Variants in DAGLB observed in about 807,000 individuals in gnomAD.
DAGLB encodes diacylglycerol lipase-beta.
In DAGLB, 66 loss-of-function variants were observed where a neutral mutation model predicts 72.1. That is an observed-to-expected ratio of 0.92 (90% confidence interval 0.75 to 1.12). The LOEUF (loss-of-function observed/expected upper bound fraction) is 1.12, where lower values mean the gene tolerates loss of function less well. DAGLB is among the 50% of genes most tolerant of loss of function. The pLI, the probability that DAGLB is intolerant of heterozygous loss-of-function variation, is 0.00. For missense variants in DAGLB, 1,065 were observed against 884.9 expected (o/e 1.20, Z -2.58); for synonymous variants, 414 against 359.5 (o/e 1.15, Z -1.71).
chr7:6,426,257 T>C (rs1394358471), intron 6 of DAGLB, 143 bp from the exon 7 acceptor site: 5 of 1,205,650 alleles, frequency 4.1e-6, no homozygotes, highest in Non-Finnish European at 4.6e-6. Flanking sequence ...GGAATGGCTT[T>C]TTAAAACTTA....
rs145491977 is a variant in DAGLB at position 6,436,530 on chromosome 7, G to A, written c.251C>T (p.Thr84Met). Residue 84 changes from threonine to methionine, a missense_variant, in exon 3 of 15, where the codon ACG becomes ATG. By Grantham distance (81) the Thr-to-Met change is moderately conservative. Transcript: ENST00000297056. ...CTTCCGCGGTCCAGGGTTACAAATC[G>A]TTCCTGAAATACAAAAAACGTTCCG... ...SAIMCVSMRGTICNPGPRKSM... is the reference protein window; with the variant it reads ...SAIMCVSMRGMICNPGPRKSM... 21 of 1,613,592 alleles carry A rather than the reference G, an allele frequency of 1.3e-5. No individual in the cohort carries two copies. The highest frequency in any genetic ancestry group is 5.0e-5 in the Admixed American group (3 of 59,756).
intron 2 of DAGLB, among the ~76,000 whole-genome samples, chr7:6,441,706 C>A (rs1293112644): frequency 2.0e-5 from 3 of 152,116 alleles, no homozygotes; most frequent in Non-Finnish European, 4.4e-5. Flanking sequence ...TGTAAGCCAC[C>A]GCGCCTGGCC....
chr7:6,439,734 T>C lies in DAGLB; in HGVS notation c.248-3201A>G, dbSNP rs546301880. On this transcript the variant is annotated intron_variant, in intron 2 of 14. Coordinates refer to ENST00000297056, the MANE Select transcript of DAGLB (RefSeq NM_139179.4). The stretch of plus-strand genomic sequence containing the variant: ...TCCCACAAGGTGCAACAGTGGGATT[T>C]CATTTGGGAGGTTTTCAAATTAAAA... 2.6e-5 allele frequency among the ~76,000 whole-genome samples: 4 copies of C among 152,204 alleles called. No individual in the cohort carries two copies. The East Asian group carries it at 7.7e-4, about 29-fold the overall frequency.
chr7:6,434,936 G>A lies in DAGLB; in HGVS notation c.504C>T (p.Ala168=), dbSNP rs199803971. The A allele has an allele frequency of 3.6e-5, 58 of 1,614,152 alleles. No individual in the cohort carries two copies. The highest frequency in any genetic ancestry group is 5.3e-5 in the African/African-American group (4 of 75,014). ...LGGKMAPYSS[A]GPSHLDSHDS... ...CATGACTATCCAGGTGGCTGGGGCC[G>A]GCAGAGGAATATGGAGCCATTTTCC... Residue 168 remains alanine, a synonymous_variant, in exon 4 of 15, where the codon GCC becomes GCT. Transcript: ENST00000297056.
intron 6 of DAGLB, among the ~76,000 whole-genome samples, chr7:6,429,200 T>C (rs568944635): frequency 7.2e-5 from 11 of 152,122 alleles, no homozygotes; most frequent in African/African-American, 2.7e-4. Context: ...ACTGGCATCA[T>C]GTATCCCCTG....
chr7:6,426,200 C>A, intron 6 of DAGLB, 86 bp from the exon 7 acceptor site: 2 of 1,580,748 alleles, frequency 1.3e-6, no homozygotes, highest in Non-Finnish European at 1.7e-6. Context: ...TTCCCAGAGA[C>A]GCGAGGACCA....
At chr7:6,416,989 A>G (rs1425477282) in intron 9 of DAGLB, 68 bp from the exon 10 acceptor site, 17 of 1,546,244 alleles carry the variant, frequency 1.1e-5, no homozygotes, top group Non-Finnish European at 1.5e-5. Flanking sequence ...AGACTCAAAG[A>G]TGGGATGACG....
chr7:6,429,982 T>G (rs1008018629), intron 6 of DAGLB, among the ~76,000 whole-genome samples: 1 of 151,720 alleles, frequency 6.6e-6, no homozygotes. Flanking sequence ...AGGCGGAGCT[T>G]GCAGTGAGCC....
rs1377745630 is a variant in DAGLB at position 6,416,431 on chromosome 7, A to G, written c.1427+196T>C. On this transcript the variant is annotated intron_variant, in intron 11 of 14. Transcript: ENST00000297056. ...GCTGGCGGGTGTCTGTAGTCCCAGCAACTCGGGAGGCTGAGGCAGAAGAAC... is the reference window on the plus strand; with the variant it reads ...GCTGGCGGGTGTCTGTAGTCCCAGCGACTCGGGAGGCTGAGGCAGAAGAAC... 7.6e-6 allele frequency: 5 copies of G among 657,384 alleles called. No homozygotes were observed. In the Admixed American group the frequency reaches 1.1e-4, roughly 15 times the overall value. The allele number at this position is 657,384 out of a possible 1,614,324, so 40.7% of individuals were successfully genotyped here.
At chr7:6,437,253 A>G (rs1243628555) in intron 2 of DAGLB, among the ~76,000 whole-genome samples, 2 of 151,924 alleles carry the variant, frequency 1.3e-5, no homozygotes, top group South Asian at 2.1e-4. Context: ...ACAGGGATAT[A>G]TGGTCACCCA....
rs1562486027 is a variant in DAGLB at position 6,432,723 on chromosome 7, G to GGGA, written c.801+113_801+114insTCC. On this transcript the variant is annotated intron_variant, in intron 5 of 14. Coordinates refer to ENST00000297056, the MANE Select transcript of DAGLB (RefSeq NM_139179.4). ...GGGAGGAGGGGGAGGGGAGGGAGGG[G>GGGA]AAAGGGGAATGAAGGAAGGGAGGAA... is the stretch of plus-strand genomic sequence containing the variant. 6 of 1,279,590 alleles carry GGGA rather than the reference G, an allele frequency of 4.7e-6. No homozygotes were observed. The African/African-American group carries it at 8.7e-5, about 18-fold the overall frequency. 79.3% of individuals were successfully genotyped at this position (1,279,590 alleles called of 1,614,324 possible). A position where few individuals can be genotyped will look rare whatever the true frequency, so the allele number is the denominator to read the frequency against.
Position 6,410,317 on chromosome 7 carries a change from T to A in DAGLB, c.1633A>T (p.Thr545Ser). ...LFGGNPNNLP[T>S]ELDGGDQEVL... is the part of the protein sequence containing the mutation. The stretch of plus-strand genomic sequence containing the variant: ...TCCTGGTCGCCCCCGTCCAGCTCCG[T>A]GGGCAAGTTGTTGGGGTTTCCTCCA... Residue 545 changes from threonine to serine, a missense_variant, in exon 14 of 15, where the codon ACG becomes TCG. Physicochemically the swap from Thr to Ser is moderately conservative, Grantham distance 58. Coordinates refer to ENST00000297056, the MANE Select transcript of DAGLB (RefSeq NM_139179.4). 1 of 1,614,090 alleles carries A rather than the reference T, an allele frequency of 6.2e-7. No homozygotes were observed. Among genetic ancestry groups the A allele is most frequent in the Non-Finnish European group, 8.5e-7 (1 of 1,179,992 alleles).
chr7:6,428,367 T>C (rs1784378714), intron 6 of DAGLB, among the ~76,000 whole-genome samples: 1 of 150,768 alleles, frequency 6.6e-6, no homozygotes, highest in Non-Finnish European at 1.5e-5. Context: ...AAATCATGAT[T>C]TTGCCACCAT....
chr7:6,443,267 A>AG (rs896362728), intron 2 of DAGLB, among the ~76,000 whole-genome samples: 2 of 147,680 alleles, frequency 1.4e-5, no homozygotes, highest in East Asian at 4.3e-4. Context: ...AAAAAAAAAA[A>AG]AAAAAAGAAA....
rs554384434 is a variant in DAGLB, at chr7:6,420,786, G to A, written c.1218+941C>T. 3.0e-3 allele frequency among the ~76,000 whole-genome samples: 455 copies of A among 152,290 alleles called. 2 individuals are homozygous for A. The highest frequency in any genetic ancestry group is 9.7e-3 in the African/African-American group (404 of 41,552). ...CCTACCCCTCTACTCTGGGCAGGGGGTTTTCATTCCTTCGGGAGGAGCTGA... is the reference window on the plus strand; with the variant it reads ...CCTACCCCTCTACTCTGGGCAGGGGATTTTCATTCCTTCGGGAGGAGCTGA... On this transcript the variant is annotated intron_variant, in intron 9 of 14. Transcript: ENST00000297056.
chr7:6,411,006 A>G (rs534962358), intron 13 of DAGLB, among the ~76,000 whole-genome samples: 1 of 145,542 alleles, frequency 6.9e-6, no homozygotes, highest in African/African-American at 2.6e-5. Context: ...TGCCTCAGCC[A>G]CCAGAGTAGC....
In DAGLB at chr7:6,445,990, T is replaced by C. The variant is rs759051986; in HGVS notation, c.210A>G (p.Ile70Met). ...IVLMILLAVVICTVSAIMCVS... is the reference protein window; with the variant it reads ...IVLMILLAVVMCTVSAIMCVS... ...CACACATGATGGCTGACACAGTACATATGACAACTGCCAGGAGAATCATGA... is the reference window on the plus strand; with the variant it reads ...CACACATGATGGCTGACACAGTACACATGACAACTGCCAGGAGAATCATGA... The change falls in exon 2 of 15, where the codon ATA becomes ATG. Residue 70 changes from isoleucine to methionine, a missense_variant. Physicochemically the swap from Ile to Met is conservative, Grantham distance 10. Coordinates refer to ENST00000297056, the MANE Select transcript of DAGLB (RefSeq NM_139179.4). The C allele has an allele frequency of 1.9e-6, 3 of 1,613,364 alleles. No individual in the cohort carries two copies. Among genetic ancestry groups the C allele is most frequent in the East Asian group, 4.5e-5 (2 of 44,872 alleles).
At chr7:6,436,663 T>C (rs928008462) in intron 2 of DAGLB, 130 bp from the exon 3 acceptor site, 1 of 1,122,196 alleles carries the variant, frequency 8.9e-7, no homozygotes, top group Non-Finnish European at 1.3e-6. Flanking sequence ...CTTTTTCTAC[T>C]TATAATTGGT....
intron 2 of DAGLB, among the ~76,000 whole-genome samples, chr7:6,442,633 A>G (rs1209534787): frequency 6.6e-6 from 1 of 152,226 alleles, no homozygotes; most frequent in Non-Finnish European, 1.5e-5. Context: ...GCCACACTGT[A>G]CACATGGTTT....
Sources: gnomAD v4.1 joint callset for allele counts (sites outside exome capture counted in the v4.1 genomes callset) on GRCh38, gnomAD v4.1.1 for gene constraint, MANE v1.5 for transcripts, NCBI Gene and HGNC (gene_info 2026-07-23, HGNC 2026-07-21) for gene names.